Variants in EEF2K observed in about 807,000 individuals in gnomAD.
The protein encoded by EEF2K is eukaryotic elongation factor 2 kinase.
A neutral mutation model predicts 93.8 loss-of-function variants in EEF2K; 70 were observed. The ratio of observed to expected loss-of-function variants is 0.75; its 90% CI spans 0.62 to 0.91. EEF2K has a LOEUF of 0.91. Among genes scored for constraint, EEF2K ranks in the 40% least tolerant of loss-of-function variants. EEF2K has a pLI of 0.00. For synonymous variants in EEF2K, 376 were observed against 380.8 expected, an observed-to-expected ratio of 0.99 and a Z score of 0.15; for missense variants, 935 against 972.9, an observed-to-expected ratio of 0.96 and a Z score of 0.52.
rs554322964 is a variant in EEF2K at position 22,262,172 on chromosome 16, C to T, written c.1300-938C>T. 5.9e-5 allele frequency among the ~76,000 whole-genome samples: 9 copies of T among 152,096 alleles called. No individual in the cohort carries two copies. In the East Asian group the frequency reaches 1.7e-3, roughly 29 times the overall value. On this transcript the variant is annotated intron_variant, in intron 11 of 17. Transcript: ENST00000263026. ...GAAGTTTTAGAGATTCTAAATTATA[C>T]CAGATTCGCTTTCAGAACAGAACTC... is the stretch of plus-strand genomic sequence containing the variant.
At chr16:22,257,230 G>C (rs2047410826) in intron 7 of EEF2K, 23 bp from the exon 8 acceptor site, 3 of 1,613,860 alleles carry the variant, frequency 1.9e-6, no homozygotes, top group Non-Finnish European at 2.5e-6. Context: ...TTGACATCTC[G>C]TTTTCCTTCC....
intron 2 of EEF2K, among the ~76,000 whole-genome samples, chr16:22,232,552 C>A (rs1307463914): frequency 6.6e-6 from 1 of 152,198 alleles, no homozygotes; most frequent in African/African-American, 2.4e-5. Context: ...TGAAGACAAC[C>A]TTTCCAGGCT....
intron 16 of EEF2K, among the ~76,000 whole-genome samples, chr16:22,275,111 G>C (rs928567498): frequency 6.6e-6 from 1 of 152,114 alleles, no homozygotes; most frequent in Non-Finnish European, 1.5e-5. Flanking sequence ...GTATACATAT[G>C]GTGCCCATTG....
rs1173052779 is a variant in EEF2K at position 22,234,877 on chromosome 16, C to CTTTT, written c.246+8921_246+8924dup. On this transcript the variant is annotated intron_variant, in intron 2 of 17. Transcript: ENST00000263026. ...TTGCTAAGCATAATGTTTTTTGTTGCTTTTTTTTTTTTTTTTTTTTTTAGG... is the reference window on the plus strand; with the variant it reads ...TTGCTAAGCATAATGTTTTTTGTTGCTTTTTTTTTTTTTTTTTTTTTTTTTTAGG... Among the ~76,000 whole-genome samples, 77 of 90,614 alleles carry CTTTT rather than the reference C, an allele frequency of 8.5e-4. 3 individuals are homozygous for CTTTT. The highest frequency in any genetic ancestry group is 3.9e-3 in the South Asian group (9 of 2,316). The allele number at this position is 90,614 out of a possible 152,430, so 59.4% of individuals were successfully genotyped here.
intron 2 of EEF2K, among the ~76,000 whole-genome samples, chr16:22,233,342 A>T (rs917746330): frequency 1.3e-5 from 2 of 152,066 alleles, no homozygotes; most frequent in Non-Finnish European, 2.9e-5. Context: ...GGGAGCAAAT[A>T]CATGTTTTTA....
At chr16:22,256,172 A>C (rs2047396824) in intron 6 of EEF2K, among the ~76,000 whole-genome samples, 1 of 152,038 alleles carries the variant, frequency 6.6e-6, no homozygotes, top group Admixed American at 6.6e-5. Context: ...ATCTTGGCTC[A>C]CTGCAACCTC....
Position 22,285,133 on chromosome 16 carries a change from T to G in EEF2K, c.*1137T>G. 1 of 152,608 alleles carries G rather than the reference T, an allele frequency of 6.6e-6. No individual in the cohort carries two copies. Among genetic ancestry groups the G allele is most frequent in the East Asian group, 1.9e-4 (1 of 5,190 alleles). The allele number at this position is 152,608 out of a possible 1,614,324, so 9.5% of individuals were successfully genotyped here. Reference sequence around the variant, plus strand: ...AGCTTTTACACGTAAGGACAGCGGCTTGGAATGTGAGAGCCTTTTCTCCAA... The same window carrying G: ...AGCTTTTACACGTAAGGACAGCGGCGTGGAATGTGAGAGCCTTTTCTCCAA... On this transcript the variant is annotated 3_prime_UTR_variant, in exon 18 of 18. Coordinates refer to ENST00000263026, the MANE Select transcript of EEF2K (RefSeq NM_013302.5).
rs747414948 is a variant in EEF2K at position 22,244,702 on chromosome 16, A to G, written c.319A>G (p.Ile107Val). ...DPWAEFHLED[I>V]ATERATRHRY... ...CTGGGCTGAGTTCCACCTGGAAGAT[A>G]TTGCCACCGAACGTGCTACTCGACA... The change falls in exon 3 of 18, where the codon ATT becomes GTT. Residue 107 changes from isoleucine (I) to valine (V), a missense_variant. Ile to Val is a conservative substitution (Grantham distance 29). Transcript: ENST00000263026. 1.2e-6 allele frequency: 2 copies of G among 1,613,942 alleles called. No homozygotes were observed. Among genetic ancestry groups the G allele is most frequent in the African/African-American group, 1.3e-5 (1 of 75,014 alleles).
chr16:22,269,999 C>T (rs927465878), intron 15 of EEF2K, among the ~76,000 whole-genome samples: 6 of 151,650 alleles, frequency 4.0e-5, no homozygotes. Flanking sequence ...GCTCTGTCAC[C>T]CAGGCTGGAG....
chr16:22,258,631 C>G lies in EEF2K; in HGVS notation c.1167C>G (p.Thr389=), dbSNP rs754314099. ...NSGDENMSDV[T]FDSLPSSPSS... ...GAGACGAGAACATGAGCGACGTGAC[C>G]TTCGACTCTCTCCCTTCTTCCCCAT... The change falls in exon 10 of 18, where the codon ACC becomes ACG. Residue 389 remains threonine, a synonymous_variant. Transcript: ENST00000263026. 87 of 1,614,054 alleles carry G rather than the reference C, an allele frequency of 5.4e-5. 1 individual carries two copies. The highest frequency in any genetic ancestry group is 1.6e-4 in the Middle Eastern group (1 of 6,084).
At chr16:22,240,140 C>CA (rs2047207528) in intron 2 of EEF2K, among the ~76,000 whole-genome samples, 1 of 148,070 alleles carries the variant, frequency 6.8e-6, no homozygotes. Context: ...GACCGAAATT[C>CA]AGAAAAATGT....
intron 3 of EEF2K, among the ~76,000 whole-genome samples, chr16:22,245,774 A>G (rs1241250282): frequency 6.6e-6 from 1 of 152,118 alleles, no homozygotes; most frequent in Non-Finnish European, 1.5e-5. Context: ...GTATGCACCT[A>G]TCTGTGACAA....
chr16:22,214,552 G>C (rs928778560), intron 1 of EEF2K, among the ~76,000 whole-genome samples: 19 of 151,750 alleles, frequency 1.3e-4, no homozygotes, highest in African/African-American at 4.4e-4. Context: ...GTAGTCCCAG[G>C]TACAATGGAG....
At chr16:22,258,770 A>G (rs1284092406) in intron 10 of EEF2K, 75 bp downstream of exon 10, 1 of 1,576,784 alleles carries the variant, frequency 6.3e-7, no homozygotes, top group Non-Finnish European at 8.6e-7. Flanking sequence ...GCTTTCATTT[A>G]TGTTAGAAAA....
Position 22,221,369 on chromosome 16 carries a change from G to A in EEF2K, c.-76-4285G>A, listed in dbSNP as rs538317771. Among the ~76,000 whole-genome samples the A allele has an allele frequency of 3.9e-5, 6 of 152,168 alleles. No individual in the cohort carries two copies. In the South Asian group the frequency reaches 1.2e-3, roughly 32 times the overall value. ...GGGCATGGTGGCATGGACTGCTCTG[G>A]AGGCTGAGGCGGGAGGATCACCTGA... On this transcript the variant is annotated intron_variant, in intron 1 of 17. Coordinates refer to ENST00000263026, the MANE Select transcript of EEF2K (RefSeq NM_013302.5).
At chr16:22,212,409 C>T (rs572922184) in intron 1 of EEF2K, among the ~76,000 whole-genome samples, 3 of 152,018 alleles carry the variant, frequency 2.0e-5, no homozygotes, top group South Asian at 2.1e-4. Context: ...CTGCAACCTC[C>T]GCCTCCCAGG....
At position 22,266,392 on chromosome 16, in the gene EEF2K, A is replaced by T; in HGVS notation, c.1443A>T (p.Val481=). ...CCTGGCCGGTTCTTTCCCTTCAGGT[A>T]TGTGTAGAGAAGTGGAATCTCCTCA... is the stretch of plus-strand genomic sequence containing the variant. ...DEDSLGSSGR[V]CVEKWNLLNS... Residue 481 remains valine, a splice_region_variant and synonymous_variant, in exon 14 of 18, where the codon GTA becomes GTT. Transcript: ENST00000263026. 3.1e-6 allele frequency: 5 copies of T among 1,613,522 alleles called. No individual in the cohort carries two copies. The highest frequency in any genetic ancestry group is 3.4e-6 in the Non-Finnish European group (4 of 1,179,840).
intron 12 of EEF2K, 124 bp from the exon 13 acceptor site, chr16:22,264,694 T>A: frequency 1.0e-6 from 1 of 981,122 alleles, no homozygotes; most frequent in Non-Finnish European, 1.5e-6. Flanking sequence ...GCCAATTTTC[T>A]GAGATAAGGG....
Position 22,225,649 on chromosome 16 carries a change from T to C in EEF2K, c.-76-5T>C. On this transcript the variant is annotated splice_region_variant and splice_polypyrimidine_tract_variant and intron_variant, in intron 1 of 17. Coordinates refer to ENST00000263026, the MANE Select transcript of EEF2K (RefSeq NM_013302.5). The stretch of plus-strand genomic sequence containing the variant: ...CCCACTCTCTGGCCCTTGCTTTCCT[T>C]GTAGGACCTTCGCCTCTGCATTTGT... 1 of 1,557,506 alleles carries C rather than the reference T, an allele frequency of 6.4e-7. No homozygotes were observed. The highest frequency in any genetic ancestry group is 8.7e-7 in the Non-Finnish European group (1 of 1,152,778).
Sources: allele counts gnomAD v4.1 joint callset (sites outside exome capture counted in the v4.1 genomes callset), GRCh38; gene constraint gnomAD v4.1.1; transcripts MANE v1.5; gene names NCBI Gene and HGNC (gene_info 2026-07-23, HGNC 2026-07-21).